Variants in EIF4G2 observed in about 807,000 individuals in gnomAD.
EIF4G2 encodes DAP-5.
A neutral mutation model predicts 117.7 loss-of-function variants in EIF4G2; 8 were observed. The ratio of observed to expected loss-of-function variants is 0.07; its 90% CI spans 0.04 to 0.12. EIF4G2 has a LOEUF of 0.12. Among genes scored for constraint, EIF4G2 ranks in the 10% least tolerant of loss-of-function variants. The probability of loss-of-function intolerance (pLI) is 1.00; values close to 1 mark genes in which losing one functional copy is unlikely to be tolerated. For synonymous variants in EIF4G2, 413 were observed against 367.8 expected, an observed-to-expected ratio of 1.12 and a Z score of -1.41; for missense variants, 812 against 1,086.2, an observed-to-expected ratio of 0.75 and a Z score of 3.55.
In EIF4G2 at chr11:10,804,129, A is replaced by C; in HGVS notation, c.550+8T>G. 2 of 1,614,216 alleles carry C rather than the reference A, an allele frequency of 1.2e-6. No homozygotes were observed. Among genetic ancestry groups the C allele is most frequent in the Non-Finnish European group, 1.7e-6 (2 of 1,180,030 alleles). ...ACAGTAGTACTTATTATCAGCTATA[A>C]GTCTTACCATCAACATTTCTAGTTC... On this transcript the variant is annotated splice_region_variant and intron_variant, in intron 7 of 21. Transcript: ENST00000339995.
At chr11:10,805,145 T>A in intron 4 of EIF4G2, 130 bp from the exon 5 acceptor site, 1 of 730,540 alleles carries the variant, frequency 1.4e-6, no homozygotes, top group Non-Finnish European at 2.3e-6. Flanking sequence ...GTTTTCTTAC[T>A]CATCTAAAAC....
At chr11:10,800,392 T>G (rs780191653) in intron 17 of EIF4G2, 40 bp downstream of exon 17, 1 of 1,612,546 alleles carries the variant, frequency 6.2e-7, no homozygotes, top group East Asian at 2.2e-5. Context: ...CGAATTTGAG[T>G]GGTAAGAGTT....
intron 1 of EIF4G2, chr11:10,808,238 G>A (rs1206462257): frequency 8.7e-7 from 1 of 1,146,962 alleles, no homozygotes; most frequent in Non-Finnish European, 1.1e-6. Context: ...TTTCCTCCCC[G>A]ACGAAGGGCA....
chr11:10,806,543 A>G (rs1847575823), intron 3 of EIF4G2: 1 of 424,190 alleles, frequency 2.4e-6, no homozygotes, highest in South Asian at 3.4e-5. Flanking sequence ...ACTAATAACA[A>G]TCAGTAGGAA....
chr11:10,797,910 A>C lies in EIF4G2; in HGVS notation c.2659-29T>G. 6.2e-7 allele frequency: 1 copy of C among 1,604,754 alleles called. No individual in the cohort carries two copies. The highest frequency in any genetic ancestry group is 8.5e-7 in the Non-Finnish European group (1 of 1,173,408). On this transcript the variant is annotated intron_variant, in intron 21 of 21. Coordinates refer to ENST00000339995, the MANE Select transcript of EIF4G2 (RefSeq NM_001418.4). This position sits in a 1 kb window ranked among gnomAD's most constrained non-coding sequence, Gnocchi z 4.5. ...TAAATTAAGATTTGTAAATTAAAAT[A>C]GTTCATGATATAAACAGAAATCCAT...
In EIF4G2 at chr11:10,800,220, T is replaced by C; in HGVS notation, c.1989A>G (p.Gln663=). ...GAAAATGGGTGCCACTTTCTAGTGG[T>C]TGAGCTAGTTCTGAAATGCTCACCA... The change falls in exon 18 of 22, where the codon CAA becomes CAG. Residue 663 remains glutamine, a synonymous_variant. Coordinates refer to ENST00000339995, the MANE Select transcript of EIF4G2 (RefSeq NM_001418.4). 1.9e-6 allele frequency: 3 copies of C among 1,614,208 alleles called. No individual in the cohort carries two copies. Among genetic ancestry groups the C allele is most frequent in the Non-Finnish European group, 2.5e-6 (3 of 1,180,020 alleles).
intron 14 of EIF4G2, 62 bp downstream of exon 14, chr11:10,801,599 C>A (rs1194233356): frequency 7.0e-7 from 1 of 1,436,492 alleles, no homozygotes; most frequent in South Asian, 1.1e-5. Context: ...TTTTTATAAT[C>A]ATCGGGCAAT....
chr11:10,801,431 C>T, intron 14 of EIF4G2: 1 of 673,902 alleles, frequency 1.5e-6, no homozygotes, highest in Non-Finnish European at 2.6e-6. Flanking sequence ...AATATTTTGA[C>T]AACCAGTTTT....
At chr11:10,798,959 G>A (rs531076328) in intron 21 of EIF4G2, 33 bp downstream of exon 21, 10 of 1,583,988 alleles carry the variant, frequency 6.3e-6, no homozygotes, top group Middle Eastern at 1.7e-4. Flanking sequence ...GCAAACTGAA[G>A]TAAGCAGACC....
intron 18 of EIF4G2, 29 bp downstream of exon 18, chr11:10,800,061 A>G (rs749541651): frequency 6.3e-7 from 1 of 1,599,972 alleles, no homozygotes; most frequent in Non-Finnish European, 8.5e-7. Flanking sequence ...TATTAAAAAA[A>G]CAAAACAAAC....
intron 21 of EIF4G2, 49 bp downstream of exon 21, chr11:10,798,943 T>C (rs1485102333): frequency 1.3e-6 from 2 of 1,574,086 alleles, no homozygotes; most frequent in East Asian, 2.2e-5. Context: ...TTGAAGTTAA[T>C]ACCAAGCAAA....
At chr11:10,801,214 G>T in intron 14 of EIF4G2, 127 bp from the exon 15 acceptor site, 2 of 1,362,070 alleles carry the variant, frequency 1.5e-6, no homozygotes, top group South Asian at 1.5e-5. Flanking sequence ...AAAAACTAAA[G>T]AAGGTACTCC....
Position 10,797,823 on chromosome 11 carries a change from G to T in EIF4G2, c.2717C>A (p.Ala906Asp). The T allele has an allele frequency of 2.5e-6, 4 of 1,613,934 alleles. No individual in the cohort carries two copies. The highest frequency in any genetic ancestry group is 2.2e-5 in the East Asian group (1 of 44,848). The change falls in exon 22 of 22, where the codon GCT (alanine) becomes GAT (aspartate). Residue 906 changes from alanine (A) to aspartate (D), a missense_variant. Ala to Asp is a moderately radical substitution (Grantham distance 126, BLOSUM62 -2). Around this residue, in one of 4 missense-constraint regions of EIF4G2, gnomAD observed 8 missense variants for 30.3 expected, o/e 0.26. Coordinates refer to ENST00000339995, the MANE Select transcript of EIF4G2 (RefSeq NM_001418.4). The surrounding 1 kb of genome is among the most constrained non-coding windows in gnomAD (Gnocchi z 4.5). ...AAGGCTTTGGCTGGTTCTTTAGTCA[G>T]CTTCTTCCTCTGATTCTTCTTCTTC...
At chr11:10,807,197 A>C in intron 2 of EIF4G2, 58 bp downstream of exon 2, 1 of 1,568,426 alleles carries the variant, frequency 6.4e-7, no homozygotes, top group Non-Finnish European at 8.6e-7. Flanking sequence ...TTGCTGTGTT[A>C]ACTACTTTTT....
chr11:10,805,597 C>T (rs11042963), intron 4 of EIF4G2, among the ~76,000 whole-genome samples: 72,576 of 151,758 alleles, frequency 0.48, 19,804 homozygotes, highest in South Asian at 0.69. Flanking sequence ...GGACTACAGG[C>T]GCCTGCCACT....
rs777039041 is a variant in EIF4G2 at position 10,800,129 on chromosome 11, A to G, written c.2080T>C (p.Phe694Leu). ...TGCATATTGACCTTGCTTTGTTGAA[A>G]AAGTTCTGTTAACCATTCTCGATCT... The change falls in exon 18 of 22, where the codon TTT (phenylalanine) becomes CTT (leucine). Residue 694 changes from phenylalanine (F) to leucine (L), a missense_variant. Phe to Leu is a conservative substitution (Grantham distance 22). Around this residue, in one of 4 missense-constraint regions of EIF4G2, gnomAD observed 571 missense variants for 642.3 expected, o/e 0.89. Coordinates refer to ENST00000339995, the MANE Select transcript of EIF4G2 (RefSeq NM_001418.4). The G allele has an allele frequency of 2.5e-6, 4 of 1,613,924 alleles. No individual in the cohort carries two copies. Among genetic ancestry groups the G allele is most frequent in the South Asian group, 1.1e-5 (1 of 91,082 alleles).
chr11:10,800,899 C>G (rs1189918133), intron 15 of EIF4G2, 63 bp downstream of exon 15: 19 of 1,611,800 alleles, frequency 1.2e-5, no homozygotes, highest in East Asian at 2.2e-5. Flanking sequence ...GGGAAGAACA[C>G]ACTAAATTTA....
chr11:10,798,026 G>T, intron 21 of EIF4G2, 145 bp from the exon 22 acceptor site: 1 of 703,324 alleles, frequency 1.4e-6, no homozygotes, highest in South Asian at 1.8e-5. Context: ...ACGAACAGTG[G>T]TATATTATCC....
At chr11:10,808,263 C>CAGG in intron 1 of EIF4G2, 2 of 1,199,176 alleles carry the variant, frequency 1.7e-6, no homozygotes, top group South Asian at 1.4e-5. Context: ...CTGCCGACTC[C>CAGG]AGGTCCTACA....
Sources: gnomAD v4.1 joint callset for allele counts (sites outside exome capture counted in the v4.1 genomes callset) on GRCh38, gnomAD v4.1.1 for gene constraint, gnomAD v4.1.1 regional missense constraint, Gnocchi (gnomAD v3.1) non-coding constraint, MANE v1.5 for transcripts, NCBI Gene and HGNC (gene_info 2026-07-23, HGNC 2026-07-21) for gene names.